The following NPIPB2 variants were observed in gnomAD, a reference collection of about 807,000 sequenced individuals.
The protein encoded by NPIPB2 is nuclear pore complex-interacting protein family member B2.
Under a neutral mutation model 30.8 loss-of-function variants are expected in NPIPB2, and 27 were observed. The observed-to-expected ratio is 0.88, with a 90% CI of 0.65 to 1.21. The LOEUF is 1.21. Ranked by LOEUF, NPIPB2 falls within the 50% of genes most tolerant of loss-of-function variation. The pLI is 0.00. For synonymous variants in NPIPB2, 147 were observed against 162.0 expected (o/e 0.91, Z 0.70); for missense variants, 440 against 446.2 (o/e 0.99, Z 0.13).
At chr16:11,927,540 C>G (rs1567461711) in exon 8 of NPIPB2, 1 of 1,600,850 alleles carries the variant, frequency 6.2e-7, no homozygotes, top group Non-Finnish European at 8.5e-7. Flanking sequence ...ATCTCAGCCG[C>G]TCTCCACCTC....
At chr16:11,953,207 G>T (rs1274961886) in intron 1 of NPIPB2, among the ~76,000 whole-genome samples, 1 of 151,926 alleles carries the variant, frequency 6.6e-6, no homozygotes, top group African/African-American at 2.4e-5. Context: ...GTGCAGTGGC[G>T]CAATGTTGGC....
Position 11,932,533 on chromosome 16 carries a change from A to G in NPIPB2, c.488+984T>C, listed in dbSNP as rs2054803782. Among the ~76,000 whole-genome samples, 4 of 151,476 alleles carry G rather than the reference A, an allele frequency of 2.6e-5. No individual in the cohort carries two copies. In the South Asian group the frequency reaches 8.4e-4, roughly 32 times the overall value. ...TGGCTCATGCCTGTAATCTCAGCAC[A>G]TTGGGAGGCCGAGGTGTGCGGATCA... On this transcript the variant is annotated intron_variant, in intron 4 of 7. Coordinates refer to ENST00000399147, the Ensembl canonical transcript of NPIPB2.
chr16:11,948,895 C>T lies in NPIPB2; in HGVS notation c.-583-6781G>A, dbSNP rs1478799779. ...GCTCATGTCGGTAATCCTAGCACTTCGGGAGGCTGAAGTGGGTGGATTGCT... is the reference window on the plus strand; with the variant it reads ...GCTCATGTCGGTAATCCTAGCACTTTGGGAGGCTGAAGTGGGTGGATTGCT... On this transcript the variant is annotated intron_variant, in intron 1 of 5. Coordinates refer to the NPIPB2 transcript ENST00000538896. 2.3e-4 allele frequency among the ~76,000 whole-genome samples: 35 copies of T among 151,376 alleles called. 1 individual carries two copies. Among genetic ancestry groups the T allele is most frequent in the Admixed American group, 2.3e-3 (35 of 15,158 alleles).
At chr16:11,958,425 T>TAAAAA (rs35610717) in intron 1 of NPIPB2, among the ~76,000 whole-genome samples, 1 of 137,854 alleles carries the variant, frequency 7.3e-6, no homozygotes, top group Non-Finnish European at 1.6e-5. Flanking sequence ...GAGACTCCGT[T>TAAAAA]AAAAAAAAAA....
At chr16:11,953,250 A>G (rs927448161) in intron 1 of NPIPB2, among the ~76,000 whole-genome samples, 1 of 151,948 alleles carries the variant, frequency 6.6e-6, no homozygotes, top group Admixed American at 6.6e-5. Flanking sequence ...GGTTCAAGTG[A>G]TTCTCCTGCC....
At chr16:11,962,611 C>CAAA (rs765156261) in intron 1 of NPIPB2, among the ~76,000 whole-genome samples, 1 of 34,602 alleles carries the variant, frequency 2.9e-5, no homozygotes. Flanking sequence ...GATTCTGTCT[C>CAAA]AAAAAAAAAA....
chr16:11,963,472 T>G (rs887852659), intron 1 of NPIPB2, among the ~76,000 whole-genome samples: 1 of 151,420 alleles, frequency 6.6e-6, no homozygotes, highest in African/African-American at 2.4e-5. Context: ...CTTGGCACAC[T>G]CCTTGGGCCT....
chr16:11,955,626 CAGG>C (rs1481130449), intron 1 of NPIPB2, among the ~76,000 whole-genome samples: 1 of 151,054 alleles, frequency 6.6e-6, no homozygotes, highest in African/African-American at 2.4e-5. Context: ...GTGGCTGAGG[CAGG>C]AGAATTGCTT....
At chr16:11,961,853 T>C (rs1053704161) in intron 1 of NPIPB2, among the ~76,000 whole-genome samples, 2 of 146,974 alleles carry the variant, frequency 1.4e-5, no homozygotes, top group African/African-American at 2.5e-5. Flanking sequence ...ACAAATAAAA[T>C]AGGTAGGGTC....
chr16:11,972,915 C>G (rs893920895), intron 1 of NPIPB2, among the ~76,000 whole-genome samples: 22 of 151,036 alleles, frequency 1.5e-4, no homozygotes, highest in African/African-American at 5.1e-4. Flanking sequence ...AATCCCAGCA[C>G]TTTGGGAGGC....
intron 1 of NPIPB2, among the ~76,000 whole-genome samples, chr16:11,954,031 A>C (rs1454158970): frequency 6.6e-6 from 1 of 152,082 alleles, no homozygotes; most frequent in Non-Finnish European, 1.5e-5. Flanking sequence ...TAGGCATACT[A>C]TAATTTTAAA....
At chr16:11,927,628 T>C in exon 8 of NPIPB2, 1 of 1,605,454 alleles carries the variant, frequency 6.2e-7, no homozygotes, top group Non-Finnish European at 8.5e-7. Flanking sequence ...CCGCTGAGGG[T>C]GGAGCTGAGG....
intron 1 of NPIPB2, among the ~76,000 whole-genome samples, chr16:11,951,436 C>T (rs1326649667): frequency 8.2e-6 from 1 of 121,802 alleles, no homozygotes; most frequent in Non-Finnish European, 1.6e-5. Flanking sequence ...TGCACTCCAG[C>T]CTGGGCGACA....
rs1185444597 is a variant in NPIPB2, at chr16:11,975,152, T to C, written c.-584+1416A>G. ...ACTCAATCCATCACCTTTTTTTTTT[T>C]TTTTTTTTTTTTTGAGACGGAGTCT... On this transcript the variant is annotated intron_variant, in intron 1 of 5. Coordinates refer to the NPIPB2 transcript ENST00000538896. Among the ~76,000 whole-genome samples the C allele has an allele frequency of 7.2e-4, 49 of 68,042 alleles. 1 individual carries two copies. The highest frequency in any genetic ancestry group is 1.1e-3 in the Non-Finnish European group (34 of 30,292). 44.6% of individuals were successfully genotyped at this position (68,042 alleles called of 152,430 possible).
chr16:11,946,039 A>G (rs1219108611), upstream of NPIPB2, among the ~76,000 whole-genome samples: 3 of 151,508 alleles, frequency 2.0e-5, no homozygotes, highest in Admixed American at 1.3e-4. Context: ...AAAAAAAAGA[A>G]AAGAAAAAAA....
intron 1 of NPIPB2, among the ~76,000 whole-genome samples, chr16:11,947,608 T>C (rs1361745809): frequency 6.6e-6 from 1 of 151,876 alleles, no homozygotes; most frequent in Non-Finnish European, 1.5e-5. Context: ...CCTCCCAAAA[T>C]GCTGGGATTA....
At chr16:11,948,723 C>G (rs1190576227) in intron 1 of NPIPB2, among the ~76,000 whole-genome samples, 3 of 139,690 alleles carry the variant, frequency 2.1e-5, no homozygotes, top group Non-Finnish European at 4.6e-5. Context: ...GCCGAGATCC[C>G]GCCACTGCAC....
exon 8 of NPIPB2, chr16:11,927,513 G>A (rs2054741911): frequency 4.5e-6 from 7 of 1,544,152 alleles, no homozygotes; most frequent in Middle Eastern, 1.7e-4. Flanking sequence ...CGCCTCTTGG[G>A]TTCGGGTGGT....
intron 1 of NPIPB2, among the ~76,000 whole-genome samples, chr16:11,969,510 C>T (rs181347159): frequency 2.0e-5 from 3 of 152,352 alleles, no homozygotes; most frequent in South Asian, 2.1e-4. Context: ...CTGTCTTGGC[C>T]TCCCAATGTG....
Sources: allele counts gnomAD v4.1 joint callset (sites outside exome capture counted in the v4.1 genomes callset), GRCh38; gene constraint gnomAD v4.1.1; transcripts MANE v1.5; gene names NCBI Gene and HGNC (gene_info 2026-07-23, HGNC 2026-07-21).